Variants in RIMBP2 observed in about 807,000 individuals in gnomAD.
RIMBP2 encodes RIMS-binding protein 2.
RIMBP2 carries 48 observed loss-of-function variants against 118.6 expected under a neutral mutation model. That is an observed-to-expected ratio of 0.40 (90% confidence interval 0.32 to 0.51). The LOEUF is 0.51. Ranked by LOEUF, RIMBP2 falls within the 20% of genes least tolerant of loss-of-function variation. The probability of loss-of-function intolerance (pLI) is 0.41; values close to 1 mark genes in which losing one functional copy is unlikely to be tolerated. For missense variants in RIMBP2, 1,551 were observed against 1,768.3 expected (o/e 0.88, Z 2.20); for synonymous variants, 762 against 742.9 (o/e 1.03, Z -0.42).
rs142618557 is a variant in RIMBP2 at position 130,565,504 on chromosome 12, G to A, written c.-216-47587C>T. Among the ~76,000 whole-genome samples the A allele has an allele frequency of 2.6e-5, 4 of 152,222 alleles. No individual in the cohort carries two copies. The East Asian group carries it at 7.7e-4, about 29-fold the overall frequency. On this transcript the variant is annotated intron_variant, in intron 2 of 22. Transcript: ENST00000690449. ...CTACGGTAGTGCCTGGAAAAGAGGTGGGCTCAAACTATGTGTCAATTAAGT... is the reference window on the plus strand; with the variant it reads ...CTACGGTAGTGCCTGGAAAAGAGGTAGGCTCAAACTATGTGTCAATTAAGT...
intron 4 of RIMBP2, among the ~76,000 whole-genome samples, chr12:130,482,093 T>A (rs1024032155): frequency 1.3e-5 from 2 of 152,030 alleles, no homozygotes; most frequent in Non-Finnish European, 2.9e-5. Flanking sequence ...CTGAGACGCT[T>A]TGGGAACTCT....
chr12:130,692,519 G>C (rs2065356744), intron 1 of RIMBP2, among the ~76,000 whole-genome samples: 1 of 150,594 alleles, frequency 6.6e-6, no homozygotes, highest in South Asian at 2.1e-4. Context: ...AGACCCTCAC[G>C]GTCTCCCTCC....
chr12:130,486,887 C>T (rs2082538106), intron 4 of RIMBP2, among the ~76,000 whole-genome samples: 1 of 150,512 alleles, frequency 6.6e-6, no homozygotes, highest in Non-Finnish European at 1.5e-5. Flanking sequence ...GGACCATAAC[C>T]AGCTCCTCAG....
At chr12:130,585,579 T>C (rs1350830127) in intron 2 of RIMBP2, among the ~76,000 whole-genome samples, 2 of 146,664 alleles carry the variant, frequency 1.4e-5, no homozygotes, top group Non-Finnish European at 3.0e-5. Flanking sequence ...TTTGTGCCAC[T>C]GCACTCCAGC....
chr12:130,440,098 G>A (rs1428272197), intron 11 of RIMBP2, among the ~76,000 whole-genome samples: 338 of 139,086 alleles, frequency 2.4e-3, no homozygotes, highest in African/African-American at 8.7e-3. Context: ...CTGCACCACC[G>A]TCCCCGGGCA....
intron 2 of RIMBP2, among the ~76,000 whole-genome samples, chr12:130,606,136 A>G (rs2140496875): frequency 6.6e-6 from 1 of 152,324 alleles, no homozygotes; most frequent in South Asian, 2.1e-4. Flanking sequence ...TAACTTTTTG[A>G]AAGTATGAAC....
intron 2 of RIMBP2, among the ~76,000 whole-genome samples, chr12:130,537,320 G>A (rs12424036): frequency 0.09 from 13,691 of 152,266 alleles, 752 homozygotes; most frequent in South Asian, 0.17. Flanking sequence ...TGTAGCTGAC[G>A]CTCATAAGAC....
intron 1 of RIMBP2, among the ~76,000 whole-genome samples, chr12:130,664,518 G>A (rs1174627024): frequency 6.8e-6 from 1 of 147,586 alleles, no homozygotes; most frequent in Admixed American, 6.7e-5. Context: ...GTCGACTACA[G>A]GACCTGGAGG....
intron 2 of RIMBP2, among the ~76,000 whole-genome samples, chr12:130,522,930 C>T (rs577607999): frequency 8.9e-4 from 135 of 152,278 alleles, no homozygotes; most frequent in Non-Finnish European, 1.4e-3. Flanking sequence ...AAGAGGAGGA[C>T]GATCTCGGTC....
intron 2 of RIMBP2, among the ~76,000 whole-genome samples, chr12:130,540,680 T>C (rs1223408327): frequency 2.0e-5 from 3 of 152,174 alleles, no homozygotes; most frequent in African/African-American, 7.2e-5. Flanking sequence ...TGGCTAAATT[T>C]CTTCCTGTTA....
intron 13 of RIMBP2, 92 bp downstream of exon 13, chr12:130,436,750 G>T: frequency 9.3e-7 from 1 of 1,076,072 alleles, no homozygotes; most frequent in Non-Finnish European, 1.2e-6. Flanking sequence ...GCTGGGATGC[G>T]GGTCCCCCTC....
intron 2 of RIMBP2, among the ~76,000 whole-genome samples, chr12:130,518,975 C>G (rs1436023071): frequency 1.3e-5 from 2 of 152,182 alleles, no homozygotes; most frequent in Non-Finnish European, 2.9e-5. Context: ...GCATCCATTC[C>G]AAAAGGAAGA....
chr12:130,566,023 C>T (rs116753851), intron 2 of RIMBP2, among the ~76,000 whole-genome samples: 2 of 152,322 alleles, frequency 1.3e-5, no homozygotes, highest in Non-Finnish European at 2.9e-5. Context: ...GAGAACTATG[C>T]GATGGAACTT....
intron 2 of RIMBP2, among the ~76,000 whole-genome samples, chr12:130,600,965 C>T (rs1306296983): frequency 1.3e-5 from 2 of 152,146 alleles, no homozygotes; most frequent in African/African-American, 2.4e-5. Flanking sequence ...TTAACCTCCC[C>T]ACACCTCTAT....
chr12:130,406,119 A>AT (rs1225937556), intron 21 of RIMBP2, 53 bp downstream of exon 21: 19 of 1,189,390 alleles, frequency 1.6e-5, no homozygotes, highest in South Asian at 1.2e-4. Context: ...AACACACAAA[A>AT]TAAATGAAAA....
At position 130,475,648 on chromosome 12, in the gene RIMBP2, C is replaced by A. The variant is rs564300367; in HGVS notation, c.102+3264G>T. Among the ~76,000 whole-genome samples the A allele has an allele frequency of 6.6e-6, 1 of 152,068 alleles. No individual in the cohort carries two copies. Among genetic ancestry groups the A allele is most frequent in the East Asian group, 1.9e-4 (1 of 5,148 alleles). On this transcript the variant is annotated intron_variant, in intron 5 of 22. Transcript: ENST00000690449. The surrounding 1 kb of genome is among the most constrained non-coding windows in gnomAD (Gnocchi z 4.1). ...CCAAGGGGAAAATGGAATCAGAAGC[C>A]CCCCAGAGGACTGAGACTCTCTTGA...
chr12:130,603,716 G>A (rs1244053872), intron 2 of RIMBP2, among the ~76,000 whole-genome samples: 3 of 152,106 alleles, frequency 2.0e-5, no homozygotes, highest in Non-Finnish European at 2.9e-5. Context: ...CCTATAGCCC[G>A]GTGACTTCAC....
At chr12:130,692,720 G>C (rs2065366844) in intron 1 of RIMBP2, among the ~76,000 whole-genome samples, 1 of 152,122 alleles carries the variant, frequency 6.6e-6, no homozygotes. Flanking sequence ...GAATGGGATG[G>C]GGTGCAGTGG....
chr12:130,662,993 T>A (rs1162742356), intron 1 of RIMBP2, among the ~76,000 whole-genome samples: 1 of 152,178 alleles, frequency 6.6e-6, no homozygotes, highest in Non-Finnish European at 1.5e-5. Flanking sequence ...TTCCATAGGA[T>A]AATTAACCAG....
Sources: allele counts gnomAD v4.1 joint callset (sites outside exome capture counted in the v4.1 genomes callset), GRCh38; gene constraint gnomAD v4.1.1; non-coding constraint Gnocchi (gnomAD v3.1); transcripts MANE v1.5; gene names NCBI Gene and HGNC (gene_info 2026-07-23, HGNC 2026-07-21).